TMC1: variants seen among roughly 807,000 people sequenced by gnomAD.
TMC1 encodes the protein transmembrane channel-like protein 1.
Under a neutral mutation model 105.8 loss-of-function variants are expected in TMC1, and 84 were observed. The ratio of observed to expected loss-of-function variants is 0.79; its 90% CI spans 0.67 to 0.95. TMC1 has a LOEUF of 0.95. Among genes scored for constraint, TMC1 ranks in the 40% least tolerant of loss-of-function variants. The pLI, the probability that TMC1 is intolerant of heterozygous loss-of-function variation, is 0.00. For missense variants in TMC1, 817 were observed against 914.1 expected (o/e 0.89, Z 1.37); for synonymous variants, 315 against 311.5 (o/e 1.01, Z -0.12).
chr9:72,778,144 G>A (rs1800739940), intron 13 of TMC1, among the ~76,000 whole-genome samples: 1 of 152,210 alleles, frequency 6.6e-6, no homozygotes, highest in African/African-American at 2.4e-5. Flanking sequence ...ATCCTCTGCA[G>A]TCAAATATTT....
At chr9:72,798,108 G>A (rs1828403951) in intron 17 of TMC1, among the ~76,000 whole-genome samples, 2 of 152,068 alleles carry the variant, frequency 1.3e-5, no homozygotes, top group Admixed American at 1.3e-4. Context: ...AAACAAGCAT[G>A]TGAAATAAAA....
At chr9:72,694,432 C>A in intron 6 of TMC1, 111 bp from the exon 7 acceptor site, 2 of 911,878 alleles carry the variant, frequency 2.2e-6, no homozygotes, top group Non-Finnish European at 3.5e-6. Flanking sequence ...TGGAGAATTG[C>A]TAGACTGTGC....
chr9:72,621,139 T>TA (rs1825241696), intron 3 of TMC1, among the ~76,000 whole-genome samples: 1 of 152,240 alleles, frequency 6.6e-6, no homozygotes, highest in African/African-American at 2.4e-5. Flanking sequence ...CCTCTTGAGA[T>TA]ACAATACAAT....
At chr9:72,692,627 T>G (rs1826484782) in intron 6 of TMC1, among the ~76,000 whole-genome samples, 1 of 152,120 alleles carries the variant, frequency 6.6e-6, no homozygotes, top group South Asian at 2.1e-4. Context: ...TATTAGTGGG[T>G]AAATTGTTTC....
At chr9:72,555,905 G>C (rs1318703836) in intron 1 of TMC1, among the ~76,000 whole-genome samples, 1 of 133,264 alleles carries the variant, frequency 7.5e-6, no homozygotes, top group Non-Finnish European at 1.5e-5. Flanking sequence ...AGAGGCATGA[G>C]CCACTGCACC....
intron 1 of TMC1, among the ~76,000 whole-genome samples, chr9:72,572,652 C>A (rs1250433780): frequency 3.3e-5 from 5 of 152,198 alleles, no homozygotes; most frequent in African/African-American, 7.2e-5. Context: ...TGTACACTTT[C>A]TTGATTCCTT....
chr9:72,530,173 GTTTC>G (rs540936431), intron 1 of TMC1, among the ~76,000 whole-genome samples: 47 of 151,858 alleles, frequency 3.1e-4, no homozygotes, highest in African/African-American at 9.9e-4. Context: ...GAGCTCCATA[GTTTC>G]TTTCTTTCTT....
At chr9:72,697,844 T>C (rs551837281) in intron 7 of TMC1, among the ~76,000 whole-genome samples, 1 of 152,254 alleles carries the variant, frequency 6.6e-6, no homozygotes, top group South Asian at 2.1e-4. Context: ...TTTTTTCTAA[T>C]TGACTTTATT....
intron 10 of TMC1, among the ~76,000 whole-genome samples, chr9:72,743,579 A>AAC (rs1827434735): frequency 6.7e-6 from 1 of 148,732 alleles, no homozygotes; most frequent in African/African-American, 2.5e-5. Context: ...AAAAAAAAAA[A>AAC]AAGAAAGAAA....
chr9:72,715,467 C>CTAATCT (rs1826901121), intron 8 of TMC1, among the ~76,000 whole-genome samples: 1 of 151,944 alleles, frequency 6.6e-6, no homozygotes, highest in Non-Finnish European at 1.5e-5. Context: ...TTTCTTTTCA[C>CTAATCT]TGTTTTTTAT....
intron 2 of TMC1, among the ~76,000 whole-genome samples, chr9:72,606,982 C>CATATATAT (rs144223921): frequency 2.8e-5 from 4 of 142,000 alleles, no homozygotes; most frequent in East Asian, 2.0e-4. Flanking sequence ...TGTGTGTGTG[C>CATATATAT]ATATATATAT....
At chr9:72,620,593 G>A (rs1825231566) in intron 3 of TMC1, among the ~76,000 whole-genome samples, 1 of 152,020 alleles carries the variant, frequency 6.6e-6, no homozygotes, top group South Asian at 2.1e-4. Flanking sequence ...CTTCATCTAT[G>A]TGTGCAAAAT....
At chr9:72,664,043 A>G (rs1331586917) in intron 5 of TMC1, among the ~76,000 whole-genome samples, 1 of 152,216 alleles carries the variant, frequency 6.6e-6, no homozygotes, top group African/African-American at 2.4e-5. Flanking sequence ...CTCCTGTGTT[A>G]ACAATGCCTT....
intron 5 of TMC1, among the ~76,000 whole-genome samples, chr9:72,678,022 G>T (rs1427960347): frequency 1.3e-5 from 2 of 152,102 alleles, no homozygotes; most frequent in East Asian, 3.9e-4. Flanking sequence ...TTCCATTTCA[G>T]ACTCACCATG....
chr9:72,647,692 A>G (rs1461059688), intron 4 of TMC1, among the ~76,000 whole-genome samples: 7 of 152,140 alleles, frequency 4.6e-5, no homozygotes, highest in Non-Finnish European at 2.9e-5. Context: ...GTACTAGTCT[A>G]TATATTCTAG....
intron 6 of TMC1, among the ~76,000 whole-genome samples, chr9:72,689,631 G>A (rs982963500): frequency 1.3e-5 from 2 of 152,022 alleles, no homozygotes; most frequent in Non-Finnish European, 2.9e-5. Context: ...GATGTTGGAT[G>A]CATATATACT....
intron 15 of TMC1, among the ~76,000 whole-genome samples, chr9:72,791,105 C>T (rs534622988): frequency 3.3e-5 from 5 of 152,052 alleles, no homozygotes; most frequent in African/African-American, 1.2e-4. Flanking sequence ...CTTCCTTTAG[C>T]CAAATAATAT....
intron 1 of TMC1, among the ~76,000 whole-genome samples, chr9:72,537,516 TA>T (rs1347150666): frequency 2.6e-5 from 4 of 152,192 alleles, no homozygotes; most frequent in Non-Finnish European, 5.9e-5. Context: ...TATTTACAAT[TA>T]AAAGCAGTGT....
chr9:72,555,026 G>T (rs1823907118), intron 1 of TMC1, among the ~76,000 whole-genome samples: 1 of 151,954 alleles, frequency 6.6e-6, no homozygotes, highest in African/African-American at 2.4e-5. Flanking sequence ...TTACAGGCAT[G>T]TGCCACCATG....
Sources: allele counts gnomAD v4.1 joint callset (sites outside exome capture counted in the v4.1 genomes callset), GRCh38; gene constraint gnomAD v4.1.1; transcripts MANE v1.5; gene names NCBI Gene and HGNC (gene_info 2026-07-23, HGNC 2026-07-21).